The following ZFAND2B variants were observed in gnomAD, a reference collection of about 807,000 sequenced individuals.
The protein encoded by ZFAND2B is zinc finger AN1-type containing 2B, also known as AN1-type zinc finger protein 2B.
A neutral mutation model predicts 38.2 loss-of-function variants in ZFAND2B; 27 were observed. The ratio of observed to expected loss-of-function variants is 0.71; its 90% CI spans 0.52 to 0.97. The LOEUF is 0.97. Ranked by LOEUF, ZFAND2B falls within the 50% of genes least tolerant of loss-of-function variation. The pLI is 0.00. For missense variants in ZFAND2B, 303 were observed against 331.5 expected, an observed-to-expected ratio of 0.91 and a Z score of 0.67; for synonymous variants, 111 against 119.4, an observed-to-expected ratio of 0.93 and a Z score of 0.46.
chr2:219,208,032 G>C lies in ZFAND2B; in HGVS notation c.428G>C (p.Arg143Pro), dbSNP rs376655844. ...TCTGGGGAGGGGCACCCAACCAGCCGGGCAGGGTAATGGCAGCCAAGTCCT... is the reference window on the plus strand; with the variant it reads ...TCTGGGGAGGGGCACCCAACCAGCCCGGCAGGGTAATGGCAGCCAAGTCCT... Reference protein sequence around the residue: ...DCSGEGHPTSRAGLAAISRAQ... With the variant: ...DCSGEGHPTSPAGLAAISRAQ... Residue 143 changes from arginine (R) to proline (P), a missense_variant, in exon 4 of 9, where the codon CGG becomes CCG. Physicochemically the swap from Arg to Pro is moderately radical, Grantham distance 103. Coordinates refer to ENST00000289528, the MANE Select transcript of ZFAND2B (RefSeq NM_138802.3). 5.0e-6 allele frequency: 8 copies of C among 1,613,828 alleles called. No homozygotes were observed. The African/African-American group carries it at 5.3e-5, about 11-fold the overall frequency.
Position 219,206,880 on chromosome 2 carries a change from G to GTGTGTCGAAAATA in ZFAND2B, c.-108_-107insTGTGTCGAAAATA. 7.8e-7 allele frequency: 1 copy of GTGTGTCGAAAATA among 1,275,564 alleles called. No individual in the cohort carries two copies. The highest frequency in any genetic ancestry group is 1.4e-5 in the South Asian group (1 of 73,976). 79.0% of individuals were successfully genotyped at this position (1,275,564 alleles called of 1,614,324 possible). ...GCTGGGCGGGGGAGAGGAAGGGGCG[G>GTGTGTCGAAAATA]GGCAGGGAGCCCGCCAGAGTGCGGG... is the stretch of plus-strand genomic sequence containing the variant. On this transcript the variant is annotated 5_prime_UTR_variant, in exon 1 of 9. Transcript: ENST00000289528.
Position 219,206,984 on chromosome 2 carries a change from G to A in ZFAND2B, c.-4G>A. 6.2e-7 allele frequency: 1 copy of A among 1,612,570 alleles called. No homozygotes were observed. Among genetic ancestry groups the A allele is most frequent in the Non-Finnish European group, 8.5e-7 (1 of 1,179,492 alleles). On this transcript the variant is annotated 5_prime_UTR_variant, in exon 1 of 9. Coordinates refer to ENST00000289528, the MANE Select transcript of ZFAND2B (RefSeq NM_138802.3). ...TCTCCTAGCAGACCCTGCCCGGCTT[G>A]GCGATGGAGTTTCCGGACCTCGGCG...
intron 7 of ZFAND2B, 32 bp downstream of exon 7, chr2:219,208,671 G>A (rs777554591): frequency 2.0e-5 from 32 of 1,613,150 alleles, no homozygotes; most frequent in Non-Finnish European, 2.5e-5. Flanking sequence ...GAGAGCGCAA[G>A]CTGTGGGCAA....
Position 219,207,970 on chromosome 2 carries a change from CT to C in ZFAND2B, c.367del (p.Cys123AlafsTer67). ...CCTGTGAACGCTGTAGCCGAAACTT[CT>C]GCATCAAGCACCGGCATCCACTGGA... ...LTCERCSRNF[C>X]IKHRHPLDHD... On this transcript the variant is annotated frameshift_variant, in exon 4 of 9. Coordinates refer to ENST00000289528, the MANE Select transcript of ZFAND2B (RefSeq NM_138802.3). LOFTEE classifies it high-confidence loss of function. The C allele has an allele frequency of 6.2e-7, 1 of 1,614,166 alleles. No individual in the cohort carries two copies. The highest frequency in any genetic ancestry group is 1.1e-5 in the South Asian group (1 of 91,084).
In ZFAND2B at chr2:219,207,330, T is replaced by C; in HGVS notation, c.59T>C (p.Phe20Ser). The C allele has an allele frequency of 6.2e-7, 1 of 1,613,994 alleles. No individual in the cohort carries two copies. The change falls in exon 2 of 9, where the codon TTT becomes TCT. Residue 20 changes from phenylalanine to serine, a missense_variant. Coordinates refer to ENST00000289528, the MANE Select transcript of ZFAND2B (RefSeq NM_138802.3). ...CSEPSCQRLD[F>S]LPLKCDACSG... is the part of the protein sequence containing the mutation. ...CAATCCGACCAACTCTTTGCAGATT[T>C]TCTGCCGCTTAAGTGTGATGCCTGC...
In ZFAND2B at chr2:219,208,998, A is replaced by C; in HGVS notation, c.678A>C (p.Leu226=). The change falls in exon 8 of 9, where the codon CTA becomes CTC. Residue 226 remains leucine (L), a synonymous_variant. Coordinates refer to ENST00000289528, the MANE Select transcript of ZFAND2B (RefSeq NM_138802.3). ...CCAGTTGTCAGGAGGAAGAAGACCT[A>C]GCTTTAGCACAAGCACTGTCAGCCA... ...QVPSCQEEED[L]ALAQALSASE... 1 of 1,614,188 alleles carries C rather than the reference A, an allele frequency of 6.2e-7. No homozygotes were observed. The highest frequency in any genetic ancestry group is 1.3e-5 in the African/African-American group (1 of 75,060).
Position 219,208,484 on chromosome 2 carries a change from C to G in ZFAND2B, c.586C>G (p.Leu196Val), listed in dbSNP as rs747968345. Residue 196 changes from leucine (L) to valine (V), a missense_variant and splice_region_variant, in exon 6 of 9, where the codon CTG becomes GTG. Leu to Val is a conservative substitution (Grantham distance 32). Transcript: ENST00000289528. ...TCCAGTGATTGCTTTGCAGAATGGCCTGGTGAGTTGGGCAGAGGTTGGATG... is the reference window on the plus strand; with the variant it reads ...TCCAGTGATTGCTTTGCAGAATGGCGTGGTGAGTTGGGCAGAGGTTGGATG... Reference protein sequence around the residue: ...APPVIALQNGLSEDEALQRAL... With the variant: ...APPVIALQNGVSEDEALQRAL... 9.3e-6 allele frequency: 15 copies of G among 1,614,260 alleles called. No homozygotes were observed. The highest frequency in any genetic ancestry group is 1.1e-5 in the Non-Finnish European group (13 of 1,180,048).
chr2:219,207,319 CTT>C lies in ZFAND2B; in HGVS notation c.56-6_56-5del, dbSNP rs760683457. On this transcript the variant is annotated splice_polypyrimidine_tract_variant and splice_region_variant and intron_variant, in intron 1 of 8. Coordinates refer to ENST00000289528, the MANE Select transcript of ZFAND2B (RefSeq NM_138802.3). Reference sequence around the variant, plus strand: ...CGCTGGACCTGCAATCCGACCAACTCTTTGCAGATTTTCTGCCGCTTAAGTGT... The same window carrying C: ...CGCTGGACCTGCAATCCGACCAACTCTGCAGATTTTCTGCCGCTTAAGTGT... 3.7e-5 allele frequency: 60 copies of C among 1,613,614 alleles called. No individual in the cohort carries two copies. The highest frequency in any genetic ancestry group is 4.9e-5 in the Non-Finnish European group (58 of 1,179,612).
At position 219,208,014 on chromosome 2, in the gene ZFAND2B, A is replaced by G; in HGVS notation, c.410A>G (p.Glu137Gly). ...CCACTGGACCATGATTGCTCTGGGG[A>G]GGGGCACCCAACCAGCCGGGCAGGG... ...RHPLDHDCSG[E>G]GHPTSRAGLA... Residue 137 changes from glutamate (E) to glycine (G), a missense_variant, in exon 4 of 9, where the codon GAG (glutamate) becomes GGG (glycine). Coordinates refer to ENST00000289528, the MANE Select transcript of ZFAND2B (RefSeq NM_138802.3). 6.2e-7 allele frequency: 1 copy of G among 1,614,042 alleles called. No individual in the cohort carries two copies. The highest frequency in any genetic ancestry group is 8.5e-7 in the Non-Finnish European group (1 of 1,180,028).
chr2:219,208,493 T>G lies in ZFAND2B; in HGVS notation c.588+7T>G, dbSNP rs2106416801. Reference sequence around the variant, plus strand: ...TGCTTTGCAGAATGGCCTGGTGAGTTGGGCAGAGGTTGGATGGACAGAAAC... The same window carrying G: ...TGCTTTGCAGAATGGCCTGGTGAGTGGGGCAGAGGTTGGATGGACAGAAAC... On this transcript the variant is annotated splice_region_variant and intron_variant, in intron 6 of 8. Coordinates refer to ENST00000289528, the MANE Select transcript of ZFAND2B (RefSeq NM_138802.3). 1.2e-6 allele frequency: 2 copies of G among 1,614,234 alleles called. No individual in the cohort carries two copies. The highest frequency in any genetic ancestry group is 2.2e-5 in the East Asian group (1 of 44,886).
chr2:219,207,142 G>A, intron 1 of ZFAND2B, 100 bp downstream of exon 1: 1 of 974,542 alleles, frequency 1.0e-6, no homozygotes, highest in African/African-American at 1.7e-5. Context: ...AATGCCGGGG[G>A]GCGGGGCTTG....
At chr2:219,208,389 A>T (rs1248312180) in intron 5 of ZFAND2B, 37 bp from the exon 6 acceptor site, 2 of 1,613,628 alleles carry the variant, frequency 1.2e-6, no homozygotes, top group South Asian at 2.2e-5. Flanking sequence ...TTTCCCCTTC[A>T]CACCTCTGAC....
chr2:219,207,015 T>A lies in ZFAND2B; in HGVS notation c.28T>A (p.Cys10Ser). The change falls in exon 1 of 9, where the codon TGT (cysteine) becomes AGT (serine). Residue 10 changes from cysteine to serine, a missense_variant. Coordinates refer to ENST00000289528, the MANE Select transcript of ZFAND2B (RefSeq NM_138802.3). Reference sequence around the variant, plus strand: ...GGAGTTTCCGGACCTCGGCGCTCACTGTTCGGAGCCGAGCTGTCAGCGCTT... The same window carrying A: ...GGAGTTTCCGGACCTCGGCGCTCACAGTTCGGAGCCGAGCTGTCAGCGCTT... MEFPDLGAH[C>S]SEPSCQRLDF... The A allele has an allele frequency of 3.7e-6, 6 of 1,610,748 alleles. No individual in the cohort carries two copies. The highest frequency in any genetic ancestry group is 4.2e-6 in the Non-Finnish European group (5 of 1,178,846).
chr2:219,209,058 C>A lies in ZFAND2B; in HGVS notation c.729+9C>A. 1 of 1,614,156 alleles carries A rather than the reference C, an allele frequency of 6.2e-7. No individual in the cohort carries two copies. The highest frequency in any genetic ancestry group is 8.5e-7 in the Non-Finnish European group (1 of 1,179,986). ...AATACCAGCGGCAGCAGGTATGAGG[C>A]TGGGCTGAAGATATATGCTGCAGTG... On this transcript the variant is annotated intron_variant, in intron 8 of 8. Coordinates refer to ENST00000289528, the MANE Select transcript of ZFAND2B (RefSeq NM_138802.3).
intron 8 of ZFAND2B, 37 bp from the exon 9 acceptor site, chr2:219,209,225 A>T (rs372597650): frequency 6.3e-7 from 1 of 1,592,826 alleles, no homozygotes. Context: ...TTGACGTTGC[A>T]CTGTGTCTTC....
Position 219,209,553 on chromosome 2 carries a change from A to G in ZFAND2B, c.*247A>G. 1 of 695,134 alleles carries G rather than the reference A, an allele frequency of 1.4e-6. No homozygotes were observed. Among genetic ancestry groups the G allele is most frequent in the Non-Finnish European group, 2.7e-6 (1 of 371,910 alleles). 43.1% of individuals were successfully genotyped at this position (695,134 alleles called of 1,614,324 possible). On this transcript the variant is annotated 3_prime_UTR_variant, in exon 9 of 9. Coordinates refer to ENST00000289528, the MANE Select transcript of ZFAND2B (RefSeq NM_138802.3). ...GCCAGGCCCTACTCTTAGCCCCTTC[A>G]TCATGTCATCTCCCTTATGCTGGAG...
Position 219,209,363 on chromosome 2 carries a change from TA to T in ZFAND2B, c.*58del. The T allele has an allele frequency of 6.3e-7, 1 of 1,584,018 alleles. No individual in the cohort carries two copies. Among genetic ancestry groups the T allele is most frequent in the Admixed American group, 1.8e-5 (1 of 55,510 alleles). ...AGGAGGACTGTGGCCCTCACACCTC[TA>T]GGGTACACAGGGAGAGGAGGCCCGG... is the stretch of plus-strand genomic sequence containing the variant. On this transcript the variant is annotated 3_prime_UTR_variant, in exon 9 of 9. Coordinates refer to ENST00000289528, the MANE Select transcript of ZFAND2B (RefSeq NM_138802.3).
In ZFAND2B at chr2:219,208,452, C is replaced by G. The variant is rs377202502; in HGVS notation, c.554C>G (p.Thr185Arg). Residue 185 changes from threonine (T) to arginine (R), a missense_variant, in exon 6 of 9, where the codon ACA becomes AGA. Transcript: ENST00000289528. Reference sequence around the variant, plus strand: ...GCCACAACCCGATCTCCGTCCTGGACAGCCCCTCCAGTGATTGCTTTGCAG... The same window carrying G: ...GCCACAACCCGATCTCCGTCCTGGAGAGCCCCTCCAGTGATTGCTTTGCAG... The part of the protein sequence containing the change: ...SRATTRSPSW[T>R]APPVIALQNG... The G allele has an allele frequency of 2.5e-6, 4 of 1,614,148 alleles. No individual in the cohort carries two copies. Among genetic ancestry groups the G allele is most frequent in the Non-Finnish European group, 3.4e-6 (4 of 1,180,058 alleles).
At position 219,206,914 on chromosome 2, in the gene ZFAND2B, G is replaced by A; in HGVS notation, c.-74G>A. ...GCCCGCCAGAGTGCGGGGTCGCGGT[G>A]CGGACTTCGAGCACGAGCCCTAAAG... is the stretch of plus-strand genomic sequence containing the variant. On this transcript the variant is annotated 5_prime_UTR_variant, in exon 1 of 9. Transcript: ENST00000289528. 1 of 1,529,332 alleles carries A rather than the reference G, an allele frequency of 6.5e-7. No individual in the cohort carries two copies. The highest frequency in any genetic ancestry group is 8.9e-7 in the Non-Finnish European group (1 of 1,121,418). The allele number at this position is 1,529,332 out of a possible 1,614,324, so 94.7% of individuals were successfully genotyped here.
Sources: allele counts gnomAD v4.1 joint callset, GRCh38; gene constraint gnomAD v4.1.1; transcripts MANE v1.5; gene names NCBI Gene and HGNC (gene_info 2026-07-23, HGNC 2026-07-21).